Variants in PLXNA2 observed in about 807,000 individuals in gnomAD.
PLXNA2 encodes the protein plexin A2.
Under a neutral mutation model 193.5 loss-of-function variants are expected in PLXNA2, and 91 were observed. The ratio of observed to expected loss-of-function variants is 0.47; its 90% CI spans 0.40 to 0.56. The LOEUF is 0.56. PLXNA2 is among the 20% of genes least tolerant of loss of function. The pLI, the probability that PLXNA2 is intolerant of heterozygous loss-of-function variation, is 0.00. For missense variants in PLXNA2, 1,995 were observed against 2,503.2 expected, an observed-to-expected ratio of 0.80 and a Z score of 4.33; for synonymous variants, 997 against 1,027.3, an observed-to-expected ratio of 0.97 and a Z score of 0.56.
At chr1:208,240,450 T>C (rs903953619) in intron 1 of PLXNA2, among the ~76,000 whole-genome samples, 3 of 152,168 alleles carry the variant, frequency 2.0e-5, no homozygotes, top group African/African-American at 7.2e-5. Flanking sequence ...CCACCCCTCA[T>C]TTACTCTAAT....
chr1:208,119,703 G>A (rs771644531), intron 4 of PLXNA2, among the ~76,000 whole-genome samples: 36 of 152,272 alleles, frequency 2.4e-4, no homozygotes, highest in Non-Finnish European at 1.3e-4. Context: ...TCCGCCTCCT[G>A]GGTTCAAGCG....
At chr1:208,184,496 T>A (rs924125385) in intron 3 of PLXNA2, among the ~76,000 whole-genome samples, 1 of 151,038 alleles carries the variant, frequency 6.6e-6, no homozygotes, top group African/African-American at 2.4e-5. Context: ...TTACCCTGAC[T>A]TACTCATCAC....
In PLXNA2 at chr1:208,079,339, T is replaced by C; in HGVS notation, c.2507A>G (p.Gln836Arg). The stretch of plus-strand genomic sequence containing the variant: ...GGGGCTGGAAGGGCTGGTACAGTGC[T>C]GGTGGAGGGTGCACCTGCGCTCGCC... The part of the protein sequence containing the change: ...CSGERRCTLH[Q>R]HCTSPSSPWL... The change falls in exon 12 of 32, where the codon CAG (glutamine) becomes CGG (arginine). Residue 836 changes from glutamine to arginine, a missense_variant. Gln to Arg is a conservative substitution (Grantham distance 43). Coordinates refer to ENST00000367033, the MANE Select transcript of PLXNA2 (RefSeq NM_025179.4). The C allele has an allele frequency of 6.2e-7, 1 of 1,613,970 alleles. No homozygotes were observed. The highest frequency in any genetic ancestry group is 8.5e-7 in the Non-Finnish European group (1 of 1,179,868).
Position 208,084,448 on chromosome 1 carries a change from G to A in PLXNA2, c.2230C>T (p.Gln744Ter). 6.2e-7 allele frequency: 1 copy of A among 1,614,280 alleles called. No individual in the cohort carries two copies. The highest frequency in any genetic ancestry group is 8.5e-7 in the Non-Finnish European group (1 of 1,180,048). The change falls in exon 10 of 32, where the codon CAA (glutamine) becomes TAA (stop). Residue 744 changes from glutamine to a stop codon, truncating the protein, a stop_gained. Coordinates refer to ENST00000367033, the MANE Select transcript of PLXNA2 (RefSeq NM_025179.4). LOFTEE classifies it high-confidence loss of function. ...GCGGGGACCCGGTGGATGGCTCCTTGTATGTTGAGGACACACTCATAGCCT... is the reference window on the plus strand; with the variant it reads ...GCGGGGACCCGGTGGATGGCTCCTTATATGTTGAGGACACACTCATAGCCT... ...QRGYECVLNIQGAIHRVPALR... is the reference protein window; with the variant it reads ...QRGYECVLNI
intron 1 of PLXNA2, among the ~76,000 whole-genome samples, chr1:208,220,154 G>A (rs1188854891): frequency 6.6e-6 from 1 of 152,140 alleles, no homozygotes; most frequent in Non-Finnish European, 1.5e-5. Flanking sequence ...TAACATGGAA[G>A]GACTTAGTAT....
In PLXNA2 at chr1:208,051,063, A is replaced by C; in HGVS notation, c.3201T>G (p.Asp1067Glu). The change falls in exon 17 of 32, where the codon GAT becomes GAG. Residue 1067 changes from aspartate (D) to glutamate (E), a missense_variant. Physicochemically the swap from Asp to Glu is conservative, Grantham distance 45. Coordinates refer to ENST00000367033, the MANE Select transcript of PLXNA2 (RefSeq NM_025179.4). ...CTCGGATCCTTGGCTCCTGAATGAC[A>C]TCCAGGTTGAAGCCTGTGATGGTCA... ...TPLTITGFNL[D>E]VIQEPRIRVK... 2 of 1,614,202 alleles carry C rather than the reference A, an allele frequency of 1.2e-6. No homozygotes were observed. Among genetic ancestry groups the C allele is most frequent in the Non-Finnish European group, 1.7e-6 (2 of 1,180,026 alleles).
At chr1:208,222,615 C>T (rs557785451) in intron 1 of PLXNA2, among the ~76,000 whole-genome samples, 6 of 152,268 alleles carry the variant, frequency 3.9e-5, no homozygotes, top group South Asian at 2.1e-4. Flanking sequence ...CTGCTGCGGG[C>T]GTCAGTGGCA....
At chr1:208,216,156 C>G (rs1328612130) in intron 2 of PLXNA2, among the ~76,000 whole-genome samples, 1 of 152,232 alleles carries the variant, frequency 6.6e-6, no homozygotes. Context: ...TGCCTCCTTA[C>G]TGTTCCTCAG....
chr1:208,086,285 A>G (rs748444766), intron 9 of PLXNA2, among the ~76,000 whole-genome samples: 18 of 152,158 alleles, frequency 1.2e-4, no homozygotes, highest in Non-Finnish European at 7.3e-5. Flanking sequence ...AATAGAAAAT[A>G]AAATAAAGCA....
At position 208,043,185 on chromosome 1, in the gene PLXNA2, G is replaced by A. The variant is rs372372428; in HGVS notation, c.3893C>T (p.Thr1298Met). The A allele has an allele frequency of 6.8e-6, 11 of 1,614,002 alleles. No homozygotes were observed. The highest frequency in any genetic ancestry group is 1.7e-5 in the Admixed American group (1 of 60,020). Residue 1298 changes from threonine (T) to methionine (M), a missense_variant, in exon 21 of 32, where the codon ACG becomes ATG. Thr to Met is a moderately conservative substitution (Grantham distance 81). Transcript: ENST00000367033. The part of the protein sequence containing the change: ...ECKEAFAELQ[T>M]DINELTSDLD... The stretch of plus-strand genomic sequence containing the variant: ...GTCACTGGTCAACTCATTGATATCC[G>A]TCTGGAGCTCAGCAAAAGCTATGAG...
At chr1:208,143,854 C>A (rs924443369) in intron 3 of PLXNA2, among the ~76,000 whole-genome samples, 1 of 152,192 alleles carries the variant, frequency 6.6e-6, no homozygotes, top group East Asian at 1.9e-4. Context: ...GTGCGTAAGT[C>A]CTGTCAACAT....
chr1:208,073,182 G>A (rs1666027854), intron 12 of PLXNA2, among the ~76,000 whole-genome samples: 1 of 152,228 alleles, frequency 6.6e-6, no homozygotes, highest in African/African-American at 2.4e-5. Flanking sequence ...CAATTATCAT[G>A]AAGACTCCCA....
In PLXNA2 at chr1:208,052,367, C is replaced by T. The variant is rs371995694; in HGVS notation, c.2953G>A (p.Val985Met). The change falls in exon 15 of 32, where the codon GTG (valine) becomes ATG (methionine). Residue 985 changes from valine to methionine, a missense_variant. Val to Met is a conservative substitution (Grantham distance 21). Around this residue, in one of 3 missense-constraint regions of PLXNA2, gnomAD observed 1,291 missense variants for 1,673.6 expected, o/e 0.77. Coordinates refer to ENST00000367033, the MANE Select transcript of PLXNA2 (RefSeq NM_025179.4). ...GTCTGGTTGCCCAGGTAGACTGCCA[C>T]GCTGCTCCCAGCCCCAAGGTAATGG... Reference protein sequence around the residue: ...TGHYLGAGSSVAVYLGNQTCE... With the variant: ...TGHYLGAGSSMAVYLGNQTCE... 17 of 1,613,684 alleles carry T rather than the reference C, an allele frequency of 1.1e-5. No individual in the cohort carries two copies. The highest frequency in any genetic ancestry group is 4.0e-5 in the African/African-American group (3 of 74,908).
At chr1:208,174,245 TG>T (rs1669588394) in intron 3 of PLXNA2, among the ~76,000 whole-genome samples, 4 of 150,932 alleles carry the variant, frequency 2.7e-5, no homozygotes, top group Admixed American at 2.0e-4. Context: ...AAGAGAGGAG[TG>T]GGGACTTGCT....
At chr1:208,232,686 C>T (rs756632573) in intron 1 of PLXNA2, among the ~76,000 whole-genome samples, 1 of 152,196 alleles carries the variant, frequency 6.6e-6, no homozygotes, top group Non-Finnish European at 1.5e-5. Context: ...TCAGAGGGGT[C>T]TGCTCCTGCT....
intron 3 of PLXNA2, among the ~76,000 whole-genome samples, chr1:208,163,119 C>G (rs1397200344): frequency 6.6e-6 from 1 of 151,904 alleles, no homozygotes; most frequent in African/African-American, 2.4e-5. Context: ...CACAGGGGCA[C>G]TTAGGGAAGA....
At chr1:208,226,331 G>A (rs1275098586) in intron 1 of PLXNA2, among the ~76,000 whole-genome samples, 1 of 152,068 alleles carries the variant, frequency 6.6e-6, no homozygotes, top group Non-Finnish European at 1.5e-5. Flanking sequence ...TTTAACGTCA[G>A]GGAGAGATTT....
In PLXNA2 at chr1:208,044,439, G is replaced by T. The variant is rs1372981108; in HGVS notation, c.3874+69C>A. 1.9e-6 allele frequency: 2 copies of T among 1,080,014 alleles called. No individual in the cohort carries two copies. Among genetic ancestry groups the T allele is most frequent in the Non-Finnish European group, 2.8e-6 (2 of 704,616 alleles). The allele number at this position is 1,080,014 out of a possible 1,614,324, so 66.9% of individuals were successfully genotyped here. ...ATGGGAGTAAAGATAGGAGTTGTCT[G>T]CAGGGAGAAGGGCAATAAGGCAGGT... On this transcript the variant is annotated intron_variant, in intron 20 of 31. Coordinates refer to ENST00000367033, the MANE Select transcript of PLXNA2 (RefSeq NM_025179.4). This position sits in a 1 kb window ranked among gnomAD's most constrained non-coding sequence, Gnocchi z 4.9.
intron 4 of PLXNA2, among the ~76,000 whole-genome samples, chr1:208,104,040 G>C (rs1667183256): frequency 6.6e-6 from 1 of 152,344 alleles, no homozygotes; most frequent in Admixed American, 6.5e-5. Context: ...AAGGGGGCCA[G>C]AGGACTGAAG....
Sources: gnomAD v4.1 joint callset for allele counts (sites outside exome capture counted in the v4.1 genomes callset) on GRCh38, gnomAD v4.1.1 for gene constraint, gnomAD v4.1.1 regional missense constraint, Gnocchi (gnomAD v3.1) non-coding constraint, MANE v1.5 for transcripts, NCBI Gene and HGNC (gene_info 2026-07-23, HGNC 2026-07-21) for gene names.